Variants in KIF15 observed in about 807,000 individuals in gnomAD.
The protein encoded by KIF15 is kinesin family member 15.
In KIF15, 140 loss-of-function variants were observed where a neutral mutation model predicts 190.6. The ratio of observed to expected loss-of-function variants is 0.73; its 90% CI spans 0.64 to 0.84. The LOEUF (loss-of-function observed/expected upper bound fraction) is 0.84. KIF15 is among the 40% of genes least tolerant of loss of function. The pLI is 0.00. For missense variants in KIF15, 1,372 were observed against 1,584.4 expected (o/e 0.87, Z 2.28); for synonymous variants, 528 against 551.3 (o/e 0.96, Z 0.59).
At chr3:44,787,431 TTTA>T (rs1402332597) in intron 7 of KIF15, among the ~76,000 whole-genome samples, 2 of 152,228 alleles carry the variant, frequency 1.3e-5, no homozygotes, top group Non-Finnish European at 2.9e-5. Context: ...TTGCATTTCA[TTTA>T]TTTTCACTGC....
rs961949108 is a variant in KIF15 at position 44,852,912 on chromosome 3, C to A, written c.*177C>A. ...GATGAACATTCTGCATCCATATACA[C>A]CCTGTGACAGTCAGCAGTCTGCTAT... On this transcript the variant is annotated 3_prime_UTR_variant, in exon 35 of 35. Coordinates refer to ENST00000326047, the MANE Select transcript of KIF15 (RefSeq NM_020242.3). 6.3e-6 allele frequency: 3 copies of A among 478,952 alleles called. No homozygotes were observed. Among genetic ancestry groups the A allele is most frequent in the Non-Finnish European group, 1.1e-5 (3 of 276,808 alleles). 29.7% of individuals were successfully genotyped at this position (478,952 alleles called of 1,614,324 possible).
intron 1 of KIF15, among the ~76,000 whole-genome samples, chr3:44,771,160 T>TA (rs1255830161): frequency 2.0e-5 from 3 of 152,196 alleles, no homozygotes; most frequent in Non-Finnish European, 4.4e-5. Flanking sequence ...CCAGGGTAGT[T>TA]AGAGTCAGAA....
rs1191295755 is a variant in KIF15 at position 44,821,102 on chromosome 3, G to A, written c.2550-4937G>A. On this transcript the variant is annotated intron_variant, in intron 20 of 34. Coordinates refer to ENST00000326047, the MANE Select transcript of KIF15 (RefSeq NM_020242.3). ...GGCTGACCCCCCCCACCTCCCTCCC[G>A]GACCGGGCGGCTGGCCGGGCGGGGG... 7.0e-4 allele frequency among the ~76,000 whole-genome samples: 103 copies of A among 147,354 alleles called. 2 individuals are homozygous for A. The highest frequency in any genetic ancestry group is 2.6e-3 in the African/African-American group (103 of 38,944).
At chr3:44,823,175 T>C (rs1304838557) in intron 20 of KIF15, among the ~76,000 whole-genome samples, 5 of 152,176 alleles carry the variant, frequency 3.3e-5, no homozygotes, top group African/African-American at 1.2e-4. Context: ...TATTGGTGAC[T>C]GACAGATGGG....
chr3:44,831,349 A>G (rs1288358224), intron 26 of KIF15, among the ~76,000 whole-genome samples: 1 of 152,168 alleles, frequency 6.6e-6, no homozygotes, highest in Non-Finnish European at 1.5e-5. Flanking sequence ...TGTATAGTGT[A>G]TAATAATACA....
Position 44,848,558 on chromosome 3 carries a change from A to G in KIF15, c.3806A>G (p.Asp1269Gly). The change falls in exon 32 of 35, where the codon GAC becomes GGC. Residue 1269 changes from aspartate (D) to glycine (G), a missense_variant and splice_region_variant. Transcript: ENST00000326047. ...GAAGAAATGCTGAAAATGAAAGCAG[A>G]GTAAGTGTACTATTTTGTAATTTAA... The part of the protein sequence containing the change: ...IVEEMLKMKA[D>G]LEEVQSALYN... The G allele has an allele frequency of 8.3e-7, 1 of 1,200,242 alleles. No homozygotes were observed. The highest frequency in any genetic ancestry group is 2.0e-5 in the Admixed American group (1 of 49,210). The allele number at this position is 1,200,242 out of a possible 1,614,324, so 74.3% of individuals were successfully genotyped here.
intron 27 of KIF15, among the ~76,000 whole-genome samples, chr3:44,840,127 A>T (rs1254131639): frequency 6.6e-6 from 1 of 152,230 alleles, no homozygotes; most frequent in Non-Finnish European, 1.5e-5. Context: ...TGGCTGTGCT[A>T]ATTTACATTC....
intron 7 of KIF15, among the ~76,000 whole-genome samples, chr3:44,787,338 G>A (rs1392775269): frequency 6.6e-6 from 1 of 151,998 alleles, no homozygotes. Flanking sequence ...ATATGTATGT[G>A]GTTTTGCCTG....
intron 20 of KIF15, among the ~76,000 whole-genome samples, chr3:44,817,275 T>C (rs1264298599): frequency 1.3e-5 from 2 of 152,226 alleles, no homozygotes; most frequent in Non-Finnish European, 2.9e-5. Flanking sequence ...TTGTCTTTTG[T>C]TGCCATTGCT....
At chr3:44,827,022 A>T (rs1419888162) in intron 22 of KIF15, 2 of 456,592 alleles carry the variant, frequency 4.4e-6, no homozygotes, top group Non-Finnish European at 8.8e-6. Flanking sequence ...GTGAACGTAG[A>T]GCTTACATCC....
intron 8 of KIF15, 42 bp from the exon 9 acceptor site, chr3:44,797,509 C>G (rs75817176): frequency 3.1e-6 from 5 of 1,602,560 alleles, no homozygotes; most frequent in Non-Finnish European, 3.4e-6. Context: ...CAAAGAGTAA[C>G]CAACGTACCT....
chr3:44,814,590 C>T (rs1255426143), intron 19 of KIF15, among the ~76,000 whole-genome samples: 1 of 152,184 alleles, frequency 6.6e-6, no homozygotes, highest in Non-Finnish European at 1.5e-5. Flanking sequence ...GGATTATAGG[C>T]ATAAGCCACT....
chr3:44,813,474 G>C (rs1050537075), intron 19 of KIF15, among the ~76,000 whole-genome samples: 24 of 152,160 alleles, frequency 1.6e-4, no homozygotes, highest in Non-Finnish European at 7.3e-5. Context: ...CAGGAGTCCA[G>C]TGGCATGATC....
chr3:44,812,287 G>A lies in KIF15; in HGVS notation c.2275G>A (p.Glu759Lys). The A allele has an allele frequency of 6.2e-7, 1 of 1,610,462 alleles. No homozygotes were observed. Among genetic ancestry groups the A allele is most frequent in the South Asian group, 1.1e-5 (1 of 90,894 alleles). Reference sequence around the variant, plus strand: ...GGAACATCATTCTACCCAAATGCAGGAGGTGAGACCAAGAGCACAGCCTCA... The same window carrying A: ...GGAACATCATTCTACCCAAATGCAGAAGGTGAGACCAAGAGCACAGCCTCA... ...KLEHHSTQMQELFSSERIDWT... is the reference protein window; with the variant it reads ...KLEHHSTQMQKLFSSERIDWT... The change falls in exon 18 of 35, where the codon GAG (glutamate) becomes AAG (lysine). Residue 759 changes from glutamate (E) to lysine (K), a missense_variant and splice_region_variant. Transcript: ENST00000326047.
At chr3:44,864,142 G>T in intron 6 of KIF15, 2 of 1,608,874 alleles carry the variant, frequency 1.2e-6, no homozygotes, top group Admixed American at 1.7e-5. Flanking sequence ...CTTTGAGGGG[G>T]TCTGCAGGTT....
At chr3:44,806,120 G>T (rs780663906) in intron 16 of KIF15, 134 bp downstream of exon 16, 22 of 962,710 alleles carry the variant, frequency 2.3e-5, no homozygotes, top group Non-Finnish European at 1.5e-5. Flanking sequence ...TGTCACACTG[G>T]TCTTTGGGTT....
chr3:44,824,677 A>G (rs1697545354), intron 20 of KIF15, among the ~76,000 whole-genome samples: 1 of 152,184 alleles, frequency 6.6e-6, no homozygotes, highest in African/African-American at 2.4e-5. Flanking sequence ...TCAGAGTTGA[A>G]CTACATCAAA....
intron 26 of KIF15, among the ~76,000 whole-genome samples, chr3:44,832,587 G>A (rs1698122725): frequency 6.6e-6 from 1 of 152,146 alleles, no homozygotes; most frequent in Admixed American, 6.5e-5. Flanking sequence ...TTAATGAGAT[G>A]CATTTTATAC....
rs1382760388 is a variant in KIF15, at chr3:44,848,067, T to C, written c.3768+10T>C. On this transcript the variant is annotated intron_variant, in intron 31 of 34. Coordinates refer to ENST00000326047, the MANE Select transcript of KIF15 (RefSeq NM_020242.3). The stretch of plus-strand genomic sequence containing the variant: ...AGAAAGACTTGCAAAAGTAAGATTT[T>C]TTTTTATGTAATAGTTTCTTCTTGT... 6 of 1,531,090 alleles carry C rather than the reference T, an allele frequency of 3.9e-6. No individual in the cohort carries two copies. Among genetic ancestry groups the C allele is most frequent in the Non-Finnish European group, 5.4e-6 (6 of 1,107,348 alleles). 94.8% of individuals were successfully genotyped at this position (1,531,090 alleles called of 1,614,324 possible). A position where few individuals can be genotyped will look rare whatever the true frequency, so the allele number is the denominator to read the frequency against.
Sources: allele counts gnomAD v4.1 joint callset (sites outside exome capture counted in the v4.1 genomes callset), GRCh38; gene constraint gnomAD v4.1.1; transcripts MANE v1.5; gene names NCBI Gene and HGNC (gene_info 2026-07-23, HGNC 2026-07-21).